The following KLHL29 variants were observed in gnomAD, a reference collection of about 807,000 sequenced individuals.
KLHL29 encodes the protein kelch-like protein 29.
In KLHL29, 21 loss-of-function variants were observed where a neutral mutation model predicts 80.4. The ratio of observed to expected loss-of-function variants is 0.26; its 90% CI spans 0.19 to 0.38. The LOEUF (loss-of-function observed/expected upper bound fraction) is 0.38. Ranked by LOEUF, KLHL29 falls within the 10% of genes least tolerant of loss-of-function variation. The pLI is 1.00. For missense variants in KLHL29, 867 were observed against 1,223.9 expected, an observed-to-expected ratio of 0.71 and a Z score of 4.35; for synonymous variants, 511 against 526.8, an observed-to-expected ratio of 0.97 and a Z score of 0.41.
chr2:23,550,587 C>T (rs994321127), intron 2 of KLHL29, among the ~76,000 whole-genome samples: 1 of 152,206 alleles, frequency 6.6e-6, no homozygotes, highest in East Asian at 1.9e-4. Context: ...GAGTCTCTCC[C>T]GAGGAAGATA....
chr2:23,496,861 G>A (rs1048881341), intron 2 of KLHL29, among the ~76,000 whole-genome samples: 1 of 152,154 alleles, frequency 6.6e-6, no homozygotes, highest in African/African-American at 2.4e-5. Context: ...TACCTGGAAG[G>A]CCCTAAAAAC....
At chr2:23,466,380 G>A (rs1208274180) in intron 1 of KLHL29, among the ~76,000 whole-genome samples, 1 of 152,190 alleles carries the variant, frequency 6.6e-6, no homozygotes, top group Non-Finnish European at 1.5e-5. Flanking sequence ...GCGTTAAAGC[G>A]AAGTACAATT....
chr2:23,641,271 C>T (rs1483487199), intron 4 of KLHL29, among the ~76,000 whole-genome samples: 1 of 152,176 alleles, frequency 6.6e-6, no homozygotes, highest in Non-Finnish European at 1.5e-5. Flanking sequence ...CCTCATTCAG[C>T]CATATTTTTC....
At chr2:23,627,405 G>A (rs1364381815) in intron 3 of KLHL29, among the ~76,000 whole-genome samples, 2 of 152,218 alleles carry the variant, frequency 1.3e-5, no homozygotes, top group South Asian at 2.1e-4. Context: ...AAGAAGGCAC[G>A]CTGAGGCCCT....
intron 2 of KLHL29, among the ~76,000 whole-genome samples, chr2:23,505,417 G>A (rs1337955536): frequency 1.3e-5 from 2 of 152,242 alleles, no homozygotes; most frequent in Admixed American, 6.5e-5. Flanking sequence ...TCTCTGCACC[G>A]CTCCTTCCCT....
intron 1 of KLHL29, among the ~76,000 whole-genome samples, chr2:23,428,898 G>T (rs947871754): frequency 6.6e-6 from 1 of 151,984 alleles, no homozygotes; most frequent in African/African-American, 2.4e-5. Context: ...TCTCCTTTTC[G>T]GACAATATAT....
intron 3 of KLHL29, among the ~76,000 whole-genome samples, chr2:23,571,047 G>A (rs1193332871): frequency 6.6e-6 from 1 of 152,250 alleles, no homozygotes; most frequent in Non-Finnish European, 1.5e-5. Context: ...TATCTTTGCA[G>A]TTCTAGAACA....
chr2:23,597,660 AG>A (rs1053156656), intron 3 of KLHL29, among the ~76,000 whole-genome samples: 1 of 151,796 alleles, frequency 6.6e-6, no homozygotes, highest in Non-Finnish European at 1.5e-5. Context: ...CCTGGCCTCA[AG>A]TGATCTGCCC....
Position 23,392,542 on chromosome 2 carries a change from A to G in KLHL29, c.-154+6762A>G, listed in dbSNP as rs528457682. 1.8e-4 allele frequency among the ~76,000 whole-genome samples: 27 copies of G among 152,278 alleles called. 1 individual carries two copies. The East Asian group carries it at 2.3e-3, about 13-fold the overall frequency. On this transcript the variant is annotated intron_variant, in intron 1 of 13. Coordinates refer to ENST00000486442, the MANE Select transcript of KLHL29 (RefSeq NM_052920.2). ...TAGCTTCCAGTTATGGCTGCTCACTATATCCGAGTACTTTACATATATTAT... is the reference window on the plus strand; with the variant it reads ...TAGCTTCCAGTTATGGCTGCTCACTGTATCCGAGTACTTTACATATATTAT...
chr2:23,402,525 C>G (rs1430682316), intron 1 of KLHL29, among the ~76,000 whole-genome samples: 2 of 152,124 alleles, frequency 1.3e-5, no homozygotes, highest in Non-Finnish European at 2.9e-5. Context: ...ATCCTTCCCC[C>G]TCTCTCCCGT....
intron 1 of KLHL29, among the ~76,000 whole-genome samples, chr2:23,411,964 A>G (rs777900631): frequency 3.9e-5 from 6 of 152,126 alleles, no homozygotes; most frequent in Non-Finnish European, 7.4e-5. Flanking sequence ...TCTGACTTCT[A>G]CGCTTCTTAG....
intron 3 of KLHL29, among the ~76,000 whole-genome samples, chr2:23,599,950 C>T (rs1668527774): frequency 6.6e-6 from 1 of 152,194 alleles, no homozygotes; most frequent in African/African-American, 2.4e-5. Flanking sequence ...AAGGCCCAAG[C>T]CCCCCATCCC....
Position 23,692,319 on chromosome 2 carries a change from T to C in KLHL29, c.1282+443T>C, listed in dbSNP as rs575310826. Among the ~76,000 whole-genome samples, 152 of 152,322 alleles carry C rather than the reference T, an allele frequency of 1.0e-3. 1 individual carries two copies. Among genetic ancestry groups the C allele is most frequent in the African/African-American group, 3.6e-3 (148 of 41,578 alleles). On this transcript the variant is annotated intron_variant, in intron 7 of 13. Transcript: ENST00000486442. ...TGTCCAGGTCTAGACATCTGAACTG[T>C]CCCTTGAGTACCCAGATCTGCTGCC...
chr2:23,419,719 C>T (rs1015971577), intron 1 of KLHL29, among the ~76,000 whole-genome samples: 6 of 152,148 alleles, frequency 3.9e-5, no homozygotes, highest in Admixed American at 1.3e-4. Context: ...TGCTGAGGCC[C>T]GTGTCGCAGT....
At chr2:23,448,851 A>G (rs1663783685) in intron 1 of KLHL29, among the ~76,000 whole-genome samples, 1 of 152,110 alleles carries the variant, frequency 6.6e-6, no homozygotes, top group South Asian at 2.1e-4. Flanking sequence ...TCATTTCCTT[A>G]GCTTCTCAAA....
chr2:23,412,507 G>A (rs1335404137), intron 1 of KLHL29, among the ~76,000 whole-genome samples: 1 of 152,170 alleles, frequency 6.6e-6, no homozygotes, highest in Non-Finnish European at 1.5e-5. Context: ...TGGGCCAATG[G>A]TGCCTTGTGG....
At chr2:23,554,669 G>A (rs866406720) in intron 2 of KLHL29, among the ~76,000 whole-genome samples, 7 of 152,174 alleles carry the variant, frequency 4.6e-5, no homozygotes, top group South Asian at 2.1e-4. Context: ...TCAGGTGCAC[G>A]AAGCATCCTG....
intron 1 of KLHL29, among the ~76,000 whole-genome samples, chr2:23,435,818 G>C (rs1392355142): frequency 2.0e-5 from 3 of 151,968 alleles, no homozygotes; most frequent in Non-Finnish European, 4.4e-5. Flanking sequence ...GAGGTGTTTG[G>C]AACCCTTTGC....
At position 23,461,975 on chromosome 2, in the gene KLHL29, C is replaced by CTTTTTTTTTTTTTTTTT. The variant is rs1164075132; in HGVS notation, c.-153-13585_-153-13584insTTTTTTTTTTTTTTTTT. 3.8e-5 allele frequency among the ~76,000 whole-genome samples: 3 copies of CTTTTTTTTTTTTTTTTT among 79,502 alleles called. 1 individual carries two copies. Among genetic ancestry groups the CTTTTTTTTTTTTTTTTT allele is most frequent in the African/African-American group, 1.3e-4 (3 of 23,070 alleles). The allele number at this position is 79,502 out of a possible 152,430, so 52.2% of individuals were successfully genotyped here. A position where few individuals can be genotyped will look rare whatever the true frequency, so the allele number is the denominator to read the frequency against. On this transcript the variant is annotated intron_variant, in intron 1 of 13. Coordinates refer to ENST00000486442, the MANE Select transcript of KLHL29 (RefSeq NM_052920.2). ...GTGCAAAAGTAATTGCGGTTTTTGC[C>CTTTTTTTTTTTTTTTTT]ATTTTTTTTTTTTTAATGACAAAAA... is the stretch of plus-strand genomic sequence containing the variant.
Sources: allele counts gnomAD v4.1 joint callset (sites outside exome capture counted in the v4.1 genomes callset), GRCh38; gene constraint gnomAD v4.1.1; transcripts MANE v1.5; gene names NCBI Gene and HGNC (gene_info 2026-07-23, HGNC 2026-07-21).